The following SARNP variants were observed in gnomAD, a reference collection of about 807,000 sequenced individuals.
The protein encoded by SARNP is SAP domain containing ribonucleoprotein, also known as SAP domain-containing ribonucleoprotein.
A neutral mutation model predicts 38.1 loss-of-function variants in SARNP; 5 were observed. The ratio of observed to expected loss-of-function variants is 0.13; its 90% CI spans 0.07 to 0.28. The LOEUF (loss-of-function observed/expected upper bound fraction) is 0.28, where lower values mean the gene tolerates loss of function less well. SARNP is among the 10% of genes least tolerant of loss of function. The pLI is 1.00. For synonymous variants in SARNP, 84 were observed against 80.6 expected, an observed-to-expected ratio of 1.04 and a Z score of -0.23; for missense variants, 180 against 243.9, an observed-to-expected ratio of 0.74 and a Z score of 1.75.
At chr12:55,800,753 C>G (rs1359455193) in intron 3 of SARNP, 101 bp downstream of exon 3, 38 of 1,298,252 alleles carry the variant, frequency 2.9e-5, no homozygotes, top group Non-Finnish European at 4.1e-5. Flanking sequence ...TTATGCTCCC[C>G]TAATAAATTT....
At chr12:55,762,402 T>C (rs1878704293) in intron 9 of SARNP, among the ~76,000 whole-genome samples, 1 of 151,496 alleles carries the variant, frequency 6.6e-6, no homozygotes, top group Admixed American at 6.6e-5. Context: ...GCCTCCCAAG[T>C]AGCTGGACTA....
intron 1 of SARNP, among the ~76,000 whole-genome samples, chr12:55,807,577 C>A (rs1051474930): frequency 1.3e-5 from 2 of 148,748 alleles, no homozygotes; most frequent in Admixed American, 6.8e-5. Flanking sequence ...CCGAGGCAGG[C>A]GGATCATGAG....
chr12:55,794,709 T>G (rs1879769787), intron 6 of SARNP, 98 bp downstream of exon 6: 1 of 762,284 alleles, frequency 1.3e-6, no homozygotes, highest in African/African-American at 1.8e-5. Context: ...CAAGCCTCTA[T>G]TCTACTTAAA....
intron 10 of SARNP, among the ~76,000 whole-genome samples, chr12:55,758,782 G>A (rs1179735999): frequency 6.6e-6 from 1 of 152,088 alleles, no homozygotes; most frequent in Non-Finnish European, 1.5e-5. Flanking sequence ...AAGCCAAGCA[G>A]ATGCCAGCAC....
chr12:55,800,940 A>C lies in SARNP; in HGVS notation c.137-40T>G, dbSNP rs1411907635. The C allele has an allele frequency of 2.0e-6, 3 of 1,536,100 alleles. No homozygotes were observed. In the African/African-American group the frequency reaches 4.1e-5, roughly 21 times the overall value. On this transcript the variant is annotated intron_variant, in intron 2 of 10. Coordinates refer to ENST00000336133, the MANE Select transcript of SARNP (RefSeq NM_033082.4). ...AATATTCAGGTCAAGCCCTGCTACAAAACCATCTTGATCACTTACCAAGGT... is the reference window on the plus strand; with the variant it reads ...AATATTCAGGTCAAGCCCTGCTACACAACCATCTTGATCACTTACCAAGGT...
At chr12:55,791,026 GAGATACAT>G in intron 7 of SARNP, among the ~76,000 whole-genome samples, 1 of 152,308 alleles carries the variant, frequency 6.6e-6, no homozygotes, top group Admixed American at 6.5e-5. Flanking sequence ...AAAATGAATA[GAGATACAT>G]GCTACAACAT....
rs547016651 is a variant in SARNP, at chr12:55,763,730, G to A, written c.502-3090C>T. Among the ~76,000 whole-genome samples, 64 of 152,250 alleles carry A rather than the reference G, an allele frequency of 4.2e-4. 1 individual carries two copies. Among genetic ancestry groups the A allele is most frequent in the African/African-American group, 1.4e-3 (59 of 41,526 alleles). On this transcript the variant is annotated intron_variant, in intron 9 of 10. Transcript: ENST00000336133. Reference sequence around the variant, plus strand: ...AGCCTCCCAAAGTGCTGGGATTACAGGTGTGAGCCACTGTACCTGGCATCA... The same window carrying A: ...AGCCTCCCAAAGTGCTGGGATTACAAGTGTGAGCCACTGTACCTGGCATCA...
chr12:55,809,945 T>C (rs1394629987), intron 1 of SARNP, among the ~76,000 whole-genome samples: 1 of 152,222 alleles, frequency 6.6e-6, no homozygotes, highest in African/African-American at 2.4e-5. Flanking sequence ...TTTTACCATA[T>C]ACTCTTTTGT....
At chr12:55,781,674 T>C (rs944605319) in intron 9 of SARNP, among the ~76,000 whole-genome samples, 13 of 152,186 alleles carry the variant, frequency 8.5e-5, no homozygotes, top group African/African-American at 3.1e-4. Context: ...AAATGATCAC[T>C]GCAGCTATCC....
intron 9 of SARNP, among the ~76,000 whole-genome samples, chr12:55,778,301 C>T (rs2136188104): frequency 6.6e-6 from 1 of 152,258 alleles, no homozygotes; most frequent in Non-Finnish European, 1.5e-5. Context: ...TGTGAGCCAA[C>T]ACACTCAGCT....
chr12:55,805,952 G>C (rs1271637098), intron 1 of SARNP, among the ~76,000 whole-genome samples: 1 of 151,934 alleles, frequency 6.6e-6, no homozygotes, highest in Non-Finnish European at 1.5e-5. Flanking sequence ...CAGGAGAACA[G>C]CTTGAACCTG....
chr12:55,813,996 T>C (rs377458706), intron 1 of SARNP, among the ~76,000 whole-genome samples: 4 of 152,358 alleles, frequency 2.6e-5, no homozygotes, highest in South Asian at 4.1e-4. Flanking sequence ...AGTTAGTGTA[T>C]GTAAATGGCT....
intron 7 of SARNP, chr12:55,793,256 G>A (rs138061094): frequency 1.8e-4 from 27 of 152,290 alleles, no homozygotes; most frequent in African/African-American, 6.3e-4. Flanking sequence ...ACTCCAGCAT[G>A]GGTGACAGAG....
Position 55,797,535 on chromosome 12 carries a change from GT to G in SARNP, c.252-1460del, listed in dbSNP as rs1399074038. Among the ~76,000 whole-genome samples the G allele has an allele frequency of 2.6e-5, 4 of 152,140 alleles. No individual in the cohort carries two copies. The East Asian group carries it at 7.7e-4, about 29-fold the overall frequency. On this transcript the variant is annotated intron_variant, in intron 4 of 10. Transcript: ENST00000336133. ...TAGGCACAAAAGGCTAAAGTTTAATGTTTTACTTGAAATCCAATGCCATCAA... is the reference window on the plus strand; with the variant it reads ...TAGGCACAAAAGGCTAAAGTTTAATGTTTACTTGAAATCCAATGCCATCAA...
intron 9 of SARNP, among the ~76,000 whole-genome samples, chr12:55,776,975 C>T (rs1879199672): frequency 6.6e-6 from 1 of 152,172 alleles, no homozygotes; most frequent in South Asian, 2.1e-4. Flanking sequence ...GCTGTGTTTA[C>T]TCTTGTGGCA....
At position 55,794,975 on chromosome 12, in the gene SARNP, AAAAAAAAAG is replaced by A. The variant is rs1163895043; in HGVS notation, c.304-104_304-96del. 3 of 662,090 alleles carry A rather than the reference AAAAAAAAAG, an allele frequency of 4.5e-6. No homozygotes were observed. In the African/African-American group the frequency reaches 5.6e-5, roughly 12 times the overall value. The allele number at this position is 662,090 out of a possible 1,614,324, so 41.0% of individuals were successfully genotyped here. ...GTATCTTTAAAAAAAAAAAAAAAAA[AAAAAAAAAG>A]AGTCTCACTCTGTCCCCCAGCCTGG... On this transcript the variant is annotated intron_variant, in intron 5 of 10. Transcript: ENST00000336133.
At chr12:55,802,980 T>C (rs545998042) in intron 2 of SARNP, among the ~76,000 whole-genome samples, 3 of 148,088 alleles carry the variant, frequency 2.0e-5, no homozygotes, top group Non-Finnish European at 3.0e-5. Flanking sequence ...AGCAAGGCTA[T>C]GGCCAGTTAT....
At chr12:55,797,662 C>T (rs770570482) in intron 4 of SARNP, among the ~76,000 whole-genome samples, 2 of 152,204 alleles carry the variant, frequency 1.3e-5, no homozygotes, top group African/African-American at 2.4e-5. Context: ...AAGGGAACCC[C>T]AGACGGGAAG....
At chr12:55,779,348 T>C (rs1879276901) in intron 9 of SARNP, among the ~76,000 whole-genome samples, 1 of 152,218 alleles carries the variant, frequency 6.6e-6, no homozygotes, top group Admixed American at 6.5e-5. Context: ...CTTAGATGTC[T>C]ACTATCTGCG....
Sources: gnomAD v4.1 joint callset for allele counts (sites outside exome capture counted in the v4.1 genomes callset) on GRCh38, gnomAD v4.1.1 for gene constraint, MANE v1.5 for transcripts, NCBI Gene and HGNC (gene_info 2026-07-23, HGNC 2026-07-21) for gene names.